The following TEX101 variants were observed in gnomAD, a reference collection of about 807,000 sequenced individuals.
TEX101 encodes the protein testis-expressed protein 101.
A neutral mutation model predicts 18.1 loss-of-function variants in TEX101; 10 were observed. The observed-to-expected ratio is 0.55, with a 90% CI of 0.34 to 0.94. The LOEUF is 0.94. TEX101 is among the 40% of genes least tolerant of loss of function. TEX101 has a pLI of 0.02. For missense variants in TEX101, 259 were observed against 298.9 expected, an observed-to-expected ratio of 0.87 and a Z score of 0.98; for synonymous variants, 94 against 114.8, an observed-to-expected ratio of 0.82 and a Z score of 1.16.
upstream of TEX101, among the ~76,000 whole-genome samples, chr19:43,412,370 C>T (rs1299380476): frequency 6.6e-6 from 1 of 152,160 alleles, no homozygotes; most frequent in Non-Finnish European, 1.5e-5. Flanking sequence ...AGGATCTGCC[C>T]CCATAACCCA....
rs771625209 is a variant in TEX101, at chr19:43,418,053, T to C, written c.520+47T>C. ...ATAGTTTCAGAGGCTGGAAAACCAT[T>C]TGAGTGGCTCCCCAGAGATTCTGAC... is the stretch of plus-strand genomic sequence containing the variant. On this transcript the variant is annotated intron_variant, in intron 5 of 5. Coordinates refer to ENST00000598265, the MANE Select transcript of TEX101 (RefSeq NM_001130011.3). The C allele has an allele frequency of 3.1e-6, 5 of 1,613,778 alleles. No homozygotes were observed. The East Asian group carries it at 1.1e-4, about 36-fold the overall frequency.
chr19:43,415,625 T>C (rs911568040), intron 1 of TEX101, among the ~76,000 whole-genome samples: 2 of 151,912 alleles, frequency 1.3e-5, no homozygotes, highest in Non-Finnish European at 2.9e-5. Context: ...TCACTGGGTG[T>C]GGTGGCGGGC....
the TEX101 span, among the ~76,000 whole-genome samples, chr19:43,394,911 C>A: frequency 1.3e-5 from 2 of 152,274 alleles, no homozygotes; most frequent in African/African-American, 4.8e-5. Flanking sequence ...TTTCCTCTAC[C>A]CACTTAGGTT....
the TEX101 span, among the ~76,000 whole-genome samples, chr19:43,391,784 G>A: frequency 4.6e-5 from 7 of 152,152 alleles, no homozygotes; most frequent in East Asian, 5.8e-4. Flanking sequence ...CAACACTGCC[G>A]TGACTAGTCT....
chr19:43,406,322 A>T, exon 3 of TEX101: 1 of 562,206 alleles, frequency 1.8e-6, no homozygotes, highest in East Asian at 3.3e-5. Context: ...GTAATTAGTG[A>T]CGCGCGCGAA....
At chr19:43,417,202 C>G (rs1174424820) in intron 4 of TEX101, among the ~76,000 whole-genome samples, 1 of 152,106 alleles carries the variant, frequency 6.6e-6, no homozygotes, top group Non-Finnish European at 1.5e-5. Context: ...TCATTTCCCT[C>G]TCTTCCCTCT....
At chr19:43,415,836 A>G (rs2122348286) in intron 1 of TEX101, 45 bp from the exon 2 acceptor site, 1 of 1,552,708 alleles carries the variant, frequency 6.4e-7, no homozygotes, top group Non-Finnish European at 8.9e-7. Flanking sequence ...GATCTCATGC[A>G]CTCTGGCTGA....
intron 2 of TEX101, chr19:43,406,081 C>CAAAACAAAAAAAAAAA (rs1970359088): frequency 1.7e-5 from 1 of 58,814 alleles, no homozygotes; most frequent in Non-Finnish European, 3.4e-5. Flanking sequence ...CCTGTCTCTA[C>CAAAACAAAAAAAAAAA]AAAAAAAAAA....
At chr19:43,403,947 G>A (rs1447859332) in intron 2 of TEX101, among the ~76,000 whole-genome samples, 1 of 151,910 alleles carries the variant, frequency 6.6e-6, no homozygotes, top group Non-Finnish European at 1.5e-5. Context: ...GCTGAGGCAG[G>A]AGAATGGCAT....
intron 2 of TEX101, among the ~76,000 whole-genome samples, chr19:43,403,154 A>G (rs575768307): frequency 9.8e-5 from 15 of 152,324 alleles, no homozygotes; most frequent in Non-Finnish European, 1.8e-4. Context: ...TAAAGAATCA[A>G]CATTGATCTG....
At position 43,416,459 on chromosome 19, in the gene TEX101, G is replaced by A. The variant is rs138376066; in HGVS notation, c.295G>A (p.Gly99Ser). ...AATTGTCCAGCACTCTTCACCTCCC[G>A]GCCTGATCGTGACCTCCTACAGTAA... is the stretch of plus-strand genomic sequence containing the variant. ...ITIVQHSSPP[G>S]LIVTSYSNYC... is the part of the protein sequence containing the mutation. The change falls in exon 4 of 6, where the codon GGC (glycine) becomes AGC (serine). Residue 99 changes from glycine (G) to serine (S), a missense_variant. Gly to Ser is a moderately conservative substitution (Grantham distance 56, BLOSUM62 0). Transcript: ENST00000598265. 95 of 1,614,150 alleles carry A rather than the reference G, an allele frequency of 5.9e-5. 1 individual carries two copies. In the African/African-American group the frequency reaches 8.8e-4, roughly 15 times the overall value.
chr19:43,417,967 A>C lies in TEX101; in HGVS notation c.481A>C (p.Thr161Pro). ...SAPSLPCPNG[T>P]TRCYQGKLEI... Reference sequence around the variant, plus strand: ...TCCTTCTCTTCCCTGTCCCAATGGTACAACTCGATGCTATCAAGGAAAACT... The same window carrying C: ...TCCTTCTCTTCCCTGTCCCAATGGTCCAACTCGATGCTATCAAGGAAAACT... The change falls in exon 5 of 6, where the codon ACA becomes CCA. Residue 161 changes from threonine (T) to proline (P), a missense_variant. By Grantham distance (38) the Thr-to-Pro change is conservative (BLOSUM62 -1). Transcript: ENST00000598265. 6.2e-7 allele frequency: 1 copy of C among 1,614,188 alleles called. No homozygotes were observed. The highest frequency in any genetic ancestry group is 8.5e-7 in the Non-Finnish European group (1 of 1,180,032).
chr19:43,416,293 C>T, intron 3 of TEX101, 51 bp downstream of exon 3: 1 of 1,586,254 alleles, frequency 6.3e-7, no homozygotes, highest in Non-Finnish European at 8.6e-7. Flanking sequence ...TTGATTATCT[C>T]CATGCCAATG....
chr19:43,395,070 T>G, the TEX101 span, among the ~76,000 whole-genome samples: 1 of 152,198 alleles, frequency 6.6e-6, no homozygotes, highest in South Asian at 2.1e-4. Context: ...TATACCATTT[T>G]AACAAAGGAA....
rs1568459616 is a variant in TEX101, at chr19:43,418,378, C to T, written c.731C>T (p.Ser244Leu). ...LQLLLPLLLP[S>L]FIHFS Reference sequence around the variant, plus strand: ...CTACTGCTGCCATTGCTGCTGCCATCATTTATTCACTTTTCCTAAGAAGGC... The same window carrying T: ...CTACTGCTGCCATTGCTGCTGCCATTATTTATTCACTTTTCCTAAGAAGGC... Residue 244 changes from serine to leucine, a missense_variant, in exon 6 of 6, where the codon TCA (serine) becomes TTA (leucine). Transcript: ENST00000598265. 3 of 1,612,978 alleles carry T rather than the reference C, an allele frequency of 1.9e-6. No individual in the cohort carries two copies. Among genetic ancestry groups the T allele is most frequent in the Admixed American group, 1.7e-5 (1 of 59,998 alleles).
chr19:43,388,666 C>G, the TEX101 span, among the ~76,000 whole-genome samples: 1 of 152,166 alleles, frequency 6.6e-6, no homozygotes, highest in Admixed American at 6.5e-5. Context: ...CAACTGGGAA[C>G]GAGTCACCGT....
At chr19:43,397,039 T>TCCCCC (rs1970273481), upstream of TEX101, among the ~76,000 whole-genome samples, 7 of 144,214 alleles carry the variant, frequency 4.9e-5, no homozygotes, top group Non-Finnish European at 1.1e-4. Context: ...GGTTTCACCA[T>TCCCCC]GTTAGCCAGG....
chr19:43,417,620 T>C (rs1970493858), intron 4 of TEX101, among the ~76,000 whole-genome samples: 1 of 152,238 alleles, frequency 6.6e-6, no homozygotes, highest in Non-Finnish European at 1.5e-5. Context: ...TACATGTCTT[T>C]CTCCTAGGCA....
upstream of TEX101, among the ~76,000 whole-genome samples, chr19:43,412,581 C>T (rs1379113868): frequency 2.6e-5 from 4 of 152,024 alleles, no homozygotes; most frequent in African/African-American, 9.7e-5. Flanking sequence ...AGGGATTCTG[C>T]GACCAAGTCA....
Sources: allele counts gnomAD v4.1 joint callset (sites outside exome capture counted in the v4.1 genomes callset), GRCh38; gene constraint gnomAD v4.1.1; transcripts MANE v1.5; gene names NCBI Gene and HGNC (gene_info 2026-07-23, HGNC 2026-07-21).